The following MGRN1 variants were observed in gnomAD, a reference collection of about 807,000 sequenced individuals.
MGRN1 encodes mahogunin ring finger 1, also known as E3 ubiquitin-protein ligase MGRN1.
Under a neutral mutation model 69.2 loss-of-function variants are expected in MGRN1, and 29 were observed. The observed-to-expected ratio is 0.42, with a 90% confidence interval of 0.31 to 0.57. MGRN1 has a LOEUF of 0.57. MGRN1 is among the 20% of genes least tolerant of loss of function. MGRN1 has a pLI of 0.15. For missense variants in MGRN1, 998 were observed against 796.2 expected, an observed-to-expected ratio of 1.25 and a Z score of -3.05; for synonymous variants, 470 against 344.2, an observed-to-expected ratio of 1.37 and a Z score of -4.04.
chr16:4,662,855 T>C (rs891601600), intron 5 of MGRN1, among the ~76,000 whole-genome samples: 1 of 152,202 alleles, frequency 6.6e-6, no homozygotes, highest in Non-Finnish European at 1.5e-5. Flanking sequence ...GGCTGCGGGC[T>C]CAGGGTTCCC....
intron 16 of MGRN1, chr16:4,687,286 G>C (rs189775607): frequency 2.0e-6 from 2 of 985,198 alleles, no homozygotes; most frequent in African/African-American, 3.5e-5. Flanking sequence ...GCAGTGGTTC[G>C]CACCTATAAG....
chr16:4,665,242 G>A (rs1361063620), intron 7 of MGRN1, 91 bp downstream of exon 7: 2 of 1,418,346 alleles, frequency 1.4e-6, no homozygotes, highest in African/African-American at 2.8e-5. Context: ...AGGGGCTGGG[G>A]CTTGGTGGGG....
At chr16:4,654,708 G>A (rs776153999) in intron 4 of MGRN1, among the ~76,000 whole-genome samples, 6 of 152,252 alleles carry the variant, frequency 3.9e-5, no homozygotes, top group African/African-American at 1.2e-4. Context: ...AGGGGACCAT[G>A]TGTCCTGTGC....
At chr16:4,683,123 C>T (rs1229469792) in intron 14 of MGRN1, 101 bp from the exon 15 acceptor site, 14 of 1,527,174 alleles carry the variant, frequency 9.2e-6, no homozygotes, top group South Asian at 3.4e-5. Flanking sequence ...CCTGGTGGAG[C>T]GGCTGTGCGG....
chr16:4,681,457 A>G lies in MGRN1; in HGVS notation c.1132-93A>G, dbSNP rs2079180560. 7 of 1,261,852 alleles carry G rather than the reference A, an allele frequency of 5.5e-6. No individual in the cohort carries two copies. The South Asian group carries it at 8.7e-5, about 16-fold the overall frequency. 78.2% of individuals were successfully genotyped at this position (1,261,852 alleles called of 1,614,324 possible). A position where few individuals can be genotyped will look rare whatever the true frequency, so the allele number is the denominator to read the frequency against. Reference sequence around the variant, plus strand: ...GAGGGTGGGGGAGTCTCAATCCCCCAAAGAACAGAGTGGACAGGAGGTCAT... The same window carrying G: ...GAGGGTGGGGGAGTCTCAATCCCCCGAAGAACAGAGTGGACAGGAGGTCAT... On this transcript the variant is annotated intron_variant, in intron 12 of 16. Transcript: ENST00000262370.
At chr16:4,632,236 G>C (rs901003181) in intron 1 of MGRN1, among the ~76,000 whole-genome samples, 4 of 151,472 alleles carry the variant, frequency 2.6e-5, no homozygotes, top group Non-Finnish European at 5.9e-5. Flanking sequence ...GGATGGTCTT[G>C]ATCTATTGAC....
chr16:4,656,635 C>G (rs2078545028), intron 4 of MGRN1, among the ~76,000 whole-genome samples: 1 of 152,186 alleles, frequency 6.6e-6, no homozygotes, highest in Non-Finnish European at 1.5e-5. Context: ...AATCCCAGCA[C>G]TTTGGGAGGC....
At chr16:4,642,463 A>T (rs552009246) in intron 1 of MGRN1, among the ~76,000 whole-genome samples, 43 of 127,784 alleles carry the variant, frequency 3.4e-4, no homozygotes, top group African/African-American at 1.7e-3. Flanking sequence ...ACGGCCAGCT[A>T]ATTTGTGTGT....
chr16:4,682,844 C>G lies in MGRN1; in HGVS notation c.1380C>G (p.Ser460=), dbSNP rs760812839. The G allele has an allele frequency of 7.5e-6, 12 of 1,600,628 alleles. No individual in the cohort carries two copies. Among genetic ancestry groups the G allele is most frequent in the Middle Eastern group, 1.7e-4 (1 of 6,034 alleles). The part of the protein sequence containing the change: ...APDSTLRSPS[S]PIHEEDEEKL... ...CCAGCACCCTACGGTCCCCGTCTTCCCCCATCCACGAAGAGGATGAGGAGA... is the reference window on the plus strand; with the variant it reads ...CCAGCACCCTACGGTCCCCGTCTTCGCCCATCCACGAAGAGGATGAGGAGA... The change falls in exon 14 of 17, where the codon TCC becomes TCG. Residue 460 remains serine, a synonymous_variant. Coordinates refer to ENST00000262370, the MANE Select transcript of MGRN1 (RefSeq NM_015246.4).
intron 1 of MGRN1, among the ~76,000 whole-genome samples, chr16:4,648,462 G>A (rs1469918786): frequency 9.0e-6 from 1 of 111,114 alleles, no homozygotes; most frequent in African/African-American, 4.7e-5. Flanking sequence ...GACTCTTCCC[G>A]TGGTCACCTG....
chr16:4,657,994 G>A (rs1471913309), intron 5 of MGRN1, among the ~76,000 whole-genome samples: 3 of 150,864 alleles, frequency 2.0e-5, no homozygotes, highest in Admixed American at 6.6e-5. Context: ...CGCCGGCCTC[G>A]GCCTCCCAAA....
At chr16:4,674,626 CTTTTTTTTTTT>C (rs71139654) in intron 10 of MGRN1, among the ~76,000 whole-genome samples, 4 of 47,276 alleles carry the variant, frequency 8.5e-5, no homozygotes, top group Non-Finnish European at 1.4e-4. Context: ...CTTTTCTTTT[CTTTTTTTTTTT>C]TTTTTTTTTT....
chr16:4,625,088 C>G, intron 1 of MGRN1, 40 bp downstream of exon 1: 1 of 1,490,126 alleles, frequency 6.7e-7, no homozygotes, highest in Non-Finnish European at 8.9e-7. Flanking sequence ...TAGGCACGCG[C>G]TGGAACGCGG....
At chr16:4,679,879 T>C (rs934209751) in intron 11 of MGRN1, among the ~76,000 whole-genome samples, 153 bp from the exon 12 acceptor site, 2 of 151,784 alleles carry the variant, frequency 1.3e-5, no homozygotes, top group Admixed American at 6.6e-5. Context: ...GAGTCAACCC[T>C]CACTTAGGAC....
chr16:4,646,008 T>C (rs2078266432), intron 1 of MGRN1, among the ~76,000 whole-genome samples: 1 of 152,178 alleles, frequency 6.6e-6, no homozygotes, highest in African/African-American at 2.4e-5. Context: ...TCAGAAAGAC[T>C]CGACGTCTCT....
At chr16:4,668,412 C>G in intron 8 of MGRN1, 100 bp downstream of exon 8, 2 of 1,246,018 alleles carry the variant, frequency 1.6e-6, no homozygotes, top group Middle Eastern at 1.9e-4. Context: ...CATACACACG[C>G]ACATATACTC....
At chr16:4,637,438 A>C (rs961936523) in intron 1 of MGRN1, among the ~76,000 whole-genome samples, 41 of 152,112 alleles carry the variant, frequency 2.7e-4, no homozygotes, top group East Asian at 1.2e-3. Flanking sequence ...AAAGAAAAAA[A>C]CAAAAAAAAA....
chr16:4,640,413 A>G (rs1422879068), intron 1 of MGRN1: 6 of 152,286 alleles, frequency 3.9e-5, no homozygotes, highest in Admixed American at 2.6e-4. Context: ...GGGATTTTGC[A>G]GTTTTCATTT....
chr16:4,654,384 C>G (rs929703332), intron 4 of MGRN1, among the ~76,000 whole-genome samples: 8 of 152,348 alleles, frequency 5.3e-5, no homozygotes, highest in African/African-American at 1.9e-4. Flanking sequence ...GATATTTGTA[C>G]TTTCAGAGGT....
Sources: allele counts gnomAD v4.1 joint callset (sites outside exome capture counted in the v4.1 genomes callset), GRCh38; gene constraint gnomAD v4.1.1; transcripts MANE v1.5; gene names NCBI Gene and HGNC (gene_info 2026-07-23, HGNC 2026-07-21).